CDC42BPA: variants seen among roughly 807,000 people sequenced by gnomAD.
CDC42BPA encodes CDC42 binding protein kinase alpha.
Under a neutral mutation model 223.5 loss-of-function variants are expected in CDC42BPA, and 80 were observed. That is an observed-to-expected ratio of 0.36 (90% CI 0.30 to 0.43). CDC42BPA has a LOEUF of 0.43. CDC42BPA is among the 20% of genes least tolerant of loss of function. The pLI, the probability that CDC42BPA is intolerant of heterozygous loss-of-function variation, is 1.00. For synonymous variants in CDC42BPA, 694 were observed against 718.6 expected, an observed-to-expected ratio of 0.97 and a Z score of 0.55; for missense variants, 1,743 against 2,099.9, an observed-to-expected ratio of 0.83 and a Z score of 3.32.
intron 1 of CDC42BPA, among the ~76,000 whole-genome samples, chr1:227,295,228 T>G (rs1442180489): frequency 6.6e-6 from 1 of 152,164 alleles, no homozygotes; most frequent in African/African-American, 2.4e-5. Flanking sequence ...TGGTGTGATC[T>G]CAGCTTATTA....
chr1:227,290,721 T>C (rs1310615398), intron 1 of CDC42BPA, among the ~76,000 whole-genome samples: 1 of 152,166 alleles, frequency 6.6e-6, no homozygotes, highest in African/African-American at 2.4e-5. Context: ...AATTTTAAAA[T>C]TAAAATTTAA....
intron 2 of CDC42BPA, among the ~76,000 whole-genome samples, chr1:227,230,064 A>T (rs1486236483): frequency 6.6e-6 from 1 of 152,200 alleles, no homozygotes; most frequent in Non-Finnish European, 1.5e-5. Context: ...AATACCTAGG[A>T]TACTTAACAG....
At chr1:227,065,118 A>T (rs1255119356) in intron 21 of CDC42BPA, among the ~76,000 whole-genome samples, 3 of 150,422 alleles carry the variant, frequency 2.0e-5, no homozygotes, top group South Asian at 2.1e-4. Context: ...ATAAATAAAT[A>T]AATAAATTAA....
At chr1:227,292,624 T>C (rs1263448792) in intron 1 of CDC42BPA, among the ~76,000 whole-genome samples, 1 of 152,230 alleles carries the variant, frequency 6.6e-6, no homozygotes, top group East Asian at 1.9e-4. Context: ...ATCATTGCTT[T>C]CCACTAAATT....
chr1:227,129,706 T>TATATATATATATATATATATAAATATAA (rs1656650208), intron 10 of CDC42BPA, among the ~76,000 whole-genome samples: 1 of 113,324 alleles, frequency 8.8e-6, no homozygotes, highest in Non-Finnish European at 1.8e-5. Context: ...CCACTGCATA[T>TATATATATATATATATATATAAATATAA]ATATATATAC....
chr1:227,215,263 T>C (rs1443526114), intron 2 of CDC42BPA, among the ~76,000 whole-genome samples: 1 of 152,168 alleles, frequency 6.6e-6, no homozygotes, highest in Non-Finnish European at 1.5e-5. Flanking sequence ...AGCTAGCATT[T>C]ATTGTGGCTG....
At chr1:227,148,131 T>C (rs1661025501) in intron 6 of CDC42BPA, among the ~76,000 whole-genome samples, 1 of 152,170 alleles carries the variant, frequency 6.6e-6, no homozygotes, top group Non-Finnish European at 1.5e-5. Flanking sequence ...AGTTGAGTAC[T>C]TGTTATAGCA....
intron 1 of CDC42BPA, chr1:227,265,047 A>G: frequency 1.3e-6 from 1 of 784,032 alleles, no homozygotes; most frequent in Non-Finnish European, 2.4e-6. Context: ...GGCTTCATGG[A>G]CGCAGCAGGA....
chr1:227,177,959 T>C (rs1417370740), intron 5 of CDC42BPA, among the ~76,000 whole-genome samples: 1 of 152,212 alleles, frequency 6.6e-6, no homozygotes, highest in Non-Finnish European at 1.5e-5. Flanking sequence ...TCCAATACTG[T>C]ATTTTTCCGT....
At chr1:227,057,782 T>G (rs1025357973) in intron 21 of CDC42BPA, among the ~76,000 whole-genome samples, 3 of 152,224 alleles carry the variant, frequency 2.0e-5, no homozygotes, top group African/African-American at 7.2e-5. Flanking sequence ...GACATAGAAT[T>G]AAGGAGAGAC....
rs1454034758 is a variant in CDC42BPA, at chr1:227,318,307, G to C, written c.-1125C>G. ...AGGGAGGCGGCCCGGCGCAGGAGGA[G>C]GGGTCGCTTCCGCGGCTGAGGAGAC... On this transcript the variant is annotated 5_prime_UTR_variant, in exon 1 of 37. Coordinates refer to ENST00000366766, the MANE Select transcript of CDC42BPA (RefSeq NM_001394014.1). 2 of 152,820 alleles carry C rather than the reference G, an allele frequency of 1.3e-5. No homozygotes were observed. The highest frequency in any genetic ancestry group is 2.9e-5 in the Non-Finnish European group (2 of 68,840). The allele number at this position is 152,820 out of a possible 1,614,324, so 9.5% of individuals were successfully genotyped here. A position where few individuals can be genotyped will look rare whatever the true frequency, so the allele number is the denominator to read the frequency against.
chr1:227,205,614 A>G (rs1363508411), intron 3 of CDC42BPA, among the ~76,000 whole-genome samples: 1 of 151,924 alleles, frequency 6.6e-6, no homozygotes, highest in Admixed American at 6.6e-5. Context: ...AAATAGCCAA[A>G]CAAGGATAAC....
intron 16 of CDC42BPA, among the ~76,000 whole-genome samples, chr1:227,090,822 A>G (rs1196031031): frequency 6.6e-6 from 1 of 152,194 alleles, no homozygotes; most frequent in Non-Finnish European, 1.5e-5. Flanking sequence ...ACAAACAAAC[A>G]ATAAACTTCT....
chr1:227,143,250 T>C (rs73102936), intron 8 of CDC42BPA, among the ~76,000 whole-genome samples: 23,480 of 152,224 alleles, frequency 0.15, 2,192 homozygotes, highest in African/African-American at 0.25. Flanking sequence ...AAGTCTGATA[T>C]TGAGAATACA....
At chr1:227,069,726 A>C (rs1286153862) in intron 21 of CDC42BPA, 51 bp downstream of exon 21, 1 of 1,292,760 alleles carries the variant, frequency 7.7e-7, no homozygotes, top group Admixed American at 1.8e-5. Context: ...TTAAATTACA[A>C]AGTGAATTTT....
rs540618169 is a variant in CDC42BPA at position 227,067,805 on chromosome 1, A to G, written c.2904+1972T>C. Among the ~76,000 whole-genome samples the G allele has an allele frequency of 2.6e-5, 4 of 152,318 alleles. No homozygotes were observed. In the East Asian group the frequency reaches 7.7e-4, roughly 29 times the overall value. Reference sequence around the variant, plus strand: ...CTATAAGTATCCTAACAAAACAGAAAGAATAAAACATTAAAAAATCTCCCG... The same window carrying G: ...CTATAAGTATCCTAACAAAACAGAAGGAATAAAACATTAAAAAATCTCCCG... On this transcript the variant is annotated intron_variant, in intron 21 of 36. Transcript: ENST00000366766.
chr1:227,113,978 A>C (rs761279275), intron 12 of CDC42BPA, among the ~76,000 whole-genome samples: 2 of 145,272 alleles, frequency 1.4e-5, no homozygotes, highest in Non-Finnish European at 3.0e-5. Context: ...AGATCACTCC[A>C]TTGCACTCTA....
chr1:227,275,222 A>T (rs11810328), intron 1 of CDC42BPA, among the ~76,000 whole-genome samples: 20,942 of 149,212 alleles, frequency 0.14, 1,811 homozygotes, highest in African/African-American at 0.22. Flanking sequence ...AACAATTCAC[A>T]GGTCAAAAAT....
Position 227,028,769 on chromosome 1 carries a change from G to T in CDC42BPA, c.4320C>A (p.Ile1440=). The stretch of plus-strand genomic sequence containing the variant: ...AACACAGCAGATATTCTTTACTGGA[G>T]ATCTCAACTGCGCAGATAGCATCCA... The part of the protein sequence containing the change: ...QPMDAICAVE[I]SSKEYLLCFN... The change falls in exon 30 of 37, where the codon ATC becomes ATA. Residue 1440 remains isoleucine (I), a synonymous_variant. Coordinates refer to ENST00000366766, the MANE Select transcript of CDC42BPA (RefSeq NM_001394014.1). 1 of 1,613,982 alleles carries T rather than the reference G, an allele frequency of 6.2e-7. No individual in the cohort carries two copies.
Sources: allele counts gnomAD v4.1 joint callset (sites outside exome capture counted in the v4.1 genomes callset), GRCh38; gene constraint gnomAD v4.1.1; transcripts MANE v1.5; gene names NCBI Gene and HGNC (gene_info 2026-07-23, HGNC 2026-07-21).